Variants in PVT1 observed in about 807,000 individuals in gnomAD.
PVT1 encodes Pvt1 oncogene.
At chr8:128,096,489 G>C (rs1393649856) in intron 5 of PVT1, 2 of 98,238 alleles carry the variant, frequency 2.0e-5, no homozygotes, top group Non-Finnish European at 5.6e-5. Flanking sequence ...ATAGTCAGCG[G>C]ATCTTTTTTT....
intron 3 of PVT1, chr8:127,939,424 G>A (rs942109889): frequency 6.6e-6 from 1 of 152,334 alleles, no homozygotes; most frequent in Admixed American, 6.5e-5. Flanking sequence ...GTCTCTCAAA[G>A]CCTCGAGTCC....
intron 4 of PVT1, among the ~76,000 whole-genome samples, chr8:127,990,960 G>A (rs539814994): frequency 7.4e-5 from 8 of 108,388 alleles, no homozygotes; most frequent in Non-Finnish European, 1.8e-4. Flanking sequence ...TGGGAGCTGA[G>A]CTGCTGTTTA....
intron 3 of PVT1, among the ~76,000 whole-genome samples, chr8:127,987,525 A>G (rs1816983243): frequency 6.6e-6 from 1 of 152,246 alleles, no homozygotes; most frequent in Non-Finnish European, 1.5e-5. Flanking sequence ...GCATTTGCCT[A>G]AGTAGTGCTA....
intron 2 of PVT1, among the ~76,000 whole-genome samples, chr8:127,833,773 G>C (rs375054650): frequency 1.3e-5 from 2 of 152,168 alleles, no homozygotes; most frequent in African/African-American, 2.4e-5. Flanking sequence ...GAGGGCATTG[G>C]CTCTGCCTGG....
At chr8:128,098,197 G>T (rs1265291669) in intron 6 of PVT1, among the ~76,000 whole-genome samples, 1 of 152,130 alleles carries the variant, frequency 6.6e-6, no homozygotes, top group Non-Finnish European at 1.5e-5. Flanking sequence ...CTCAGGGGTT[G>T]GGAACAGAGG....
intron 4 of PVT1, among the ~76,000 whole-genome samples, chr8:128,034,292 C>T (rs1205595747): frequency 6.6e-6 from 1 of 152,110 alleles, no homozygotes; most frequent in East Asian, 1.9e-4. Flanking sequence ...AAGGAGGATG[C>T]CCTTTTCTCT....
intron 4 of PVT1, among the ~76,000 whole-genome samples, chr8:128,055,646 C>T (rs1184156779): frequency 2.0e-5 from 3 of 152,186 alleles, no homozygotes; most frequent in Admixed American, 6.5e-5. Flanking sequence ...GTTGGCTGAG[C>T]TCTGCTGGTG....
At chr8:127,871,030 T>C (rs1251607083) in intron 2 of PVT1, among the ~76,000 whole-genome samples, 1 of 152,214 alleles carries the variant, frequency 6.6e-6, no homozygotes, top group Non-Finnish European at 1.5e-5. Flanking sequence ...AATGCTGAAT[T>C]AATTCCTGTC....
chr8:127,957,566 C>CAAAAAAAAAAAAAAAAAAAA (rs56796489), intron 3 of PVT1, among the ~76,000 whole-genome samples: 1 of 91,806 alleles, frequency 1.1e-5, no homozygotes, highest in Non-Finnish European at 2.2e-5. Context: ...GACTCCGTCT[C>CAAAAAAAAAAAAAAAAAAAA]AAAAAAAAAA....
chr8:127,939,784 A>G (rs868111444), intron 3 of PVT1: 23 of 152,198 alleles, frequency 1.5e-4, no homozygotes, highest in African/African-American at 5.3e-4. Flanking sequence ...TACTTTCCAT[A>G]TCTTTAGAGG....
At chr8:127,852,294 C>G (rs766736516) in intron 2 of PVT1, 1 of 152,256 alleles carries the variant, frequency 6.6e-6, no homozygotes, top group African/African-American at 2.4e-5. Context: ...CCTGTGGGAG[C>G]CTGTTGGAGA....
chr8:127,887,790 G>C (rs1472755395), intron 2 of PVT1, among the ~76,000 whole-genome samples: 1 of 152,006 alleles, frequency 6.6e-6, no homozygotes, highest in African/African-American at 2.4e-5. Context: ...GCCTCCCAAA[G>C]TGCTGGGATT....
intron 3 of PVT1, among the ~76,000 whole-genome samples, chr8:127,906,912 A>C (rs973853979): frequency 6.6e-6 from 1 of 151,504 alleles, no homozygotes; most frequent in Non-Finnish European, 1.5e-5. Flanking sequence ...CCCAGCCATT[A>C]AGGACTCAGC....
At chr8:128,059,428 G>A (rs1813803765) in intron 4 of PVT1, among the ~76,000 whole-genome samples, 1 of 152,164 alleles carries the variant, frequency 6.6e-6, no homozygotes, top group African/African-American at 2.4e-5. Flanking sequence ...ATCCTAGTGT[G>A]AAAAATGGTT....
chr8:128,031,217 G>T (rs1362271462), intron 4 of PVT1, among the ~76,000 whole-genome samples: 1 of 152,206 alleles, frequency 6.6e-6, no homozygotes, highest in African/African-American at 2.4e-5. Context: ...GGCGGGTGGC[G>T]GGTGGCTGGC....
intron 3 of PVT1, among the ~76,000 whole-genome samples, chr8:127,921,985 C>T (rs950605960): frequency 3.4e-5 from 5 of 148,824 alleles, no homozygotes; most frequent in South Asian, 4.3e-4. Context: ...CTCTGCCTCC[C>T]GAGTAGCTAG....
At chr8:127,818,155 G>A (rs1428777814) in intron 2 of PVT1, among the ~76,000 whole-genome samples, 9 of 152,296 alleles carry the variant, frequency 5.9e-5, no homozygotes, top group South Asian at 2.1e-4. Flanking sequence ...GCCCAGGTGG[G>A]ATTTCACCCC....
intron 2 of PVT1, among the ~76,000 whole-genome samples, chr8:127,874,644 A>G (rs770266711): frequency 6.6e-6 from 1 of 152,150 alleles, no homozygotes; most frequent in Non-Finnish European, 1.5e-5. Context: ...TGAAATGTGC[A>G]CCGTGAATGT....
At chr8:127,882,380 G>A (rs1815478321) in intron 2 of PVT1, among the ~76,000 whole-genome samples, 1 of 152,132 alleles carries the variant, frequency 6.6e-6, no homozygotes, top group South Asian at 2.1e-4. Flanking sequence ...AGCTCCTGGG[G>A]TACCACAGAG....
Sources: allele counts gnomAD v4.1 joint callset (sites outside exome capture counted in the v4.1 genomes callset), GRCh38; gene constraint gnomAD v4.1.1; transcripts MANE v1.5; gene names NCBI Gene and HGNC (gene_info 2026-07-23, HGNC 2026-07-21).